ADAM23: variants seen among roughly 807,000 people sequenced by gnomAD.
ADAM23 encodes the protein ADAM metallopeptidase domain 23, also known as disintegrin and metalloproteinase domain-containing protein 23.
Under a neutral mutation model 120.1 loss-of-function variants are expected in ADAM23, and 33 were observed. That is an observed-to-expected ratio of 0.27 (90% CI 0.21 to 0.37). ADAM23 has a LOEUF of 0.37. Among genes scored for constraint, ADAM23 ranks in the 10% least tolerant of loss-of-function variants. The probability of loss-of-function intolerance (pLI) is 1.00; values close to 1 mark genes in which losing one functional copy is unlikely to be tolerated. For missense variants in ADAM23, 862 were observed against 1,058.2 expected (o/e 0.81, Z 2.57); for synonymous variants, 367 against 375.2 (o/e 0.98, Z 0.25).
intron 2 of ADAM23, among the ~76,000 whole-genome samples, chr2:206,445,923 T>G (rs929827195): frequency 6.6e-6 from 1 of 152,256 alleles, no homozygotes; most frequent in Admixed American, 6.5e-5. Context: ...ACATGCAAGA[T>G]TGCTTCAAGA....
Position 206,610,008 on chromosome 2 carries a change from A to T in ADAM23, c.2450+8A>T. 3 of 1,558,864 alleles carry T rather than the reference A, an allele frequency of 1.9e-6. No homozygotes were observed. Among genetic ancestry groups the T allele is most frequent in the Non-Finnish European group, 2.6e-6 (3 of 1,161,038 alleles). Reference sequence around the variant, plus strand: ...CACAGGCTGGGGATTTAAGTAAGCAACGCCGCATGTCTTCTTCTCAGTGGC... The same window carrying T: ...CACAGGCTGGGGATTTAAGTAAGCATCGCCGCATGTCTTCTTCTCAGTGGC... On this transcript the variant is annotated splice_region_variant and intron_variant, in intron 25 of 25. Coordinates refer to ENST00000264377, the MANE Select transcript of ADAM23 (RefSeq NM_003812.4).
intron 13 of ADAM23, among the ~76,000 whole-genome samples, chr2:206,563,267 C>T (rs1697807227): frequency 6.6e-6 from 1 of 152,126 alleles, no homozygotes; most frequent in Non-Finnish European, 1.5e-5. Flanking sequence ...ACCACCCCAA[C>T]CTCCCTAGAG....
At position 206,587,334 on chromosome 2, in the gene ADAM23, A is replaced by G. The variant is rs756677206; in HGVS notation, c.1747A>G (p.Asn583Asp). 1 of 1,607,952 alleles carries G rather than the reference A, an allele frequency of 6.2e-7. No homozygotes were observed. Among genetic ancestry groups the G allele is most frequent in the Middle Eastern group, 1.7e-4 (1 of 6,046 alleles). ...AGATAATATTTTGCAGTGCCCACCAAATCTTCATAAGCAAGACGGATATGC... is the reference window on the plus strand; with the variant it reads ...AGATAATATTTTGCAGTGCCCACCAGATCTTCATAAGCAAGACGGATATGC... ...CTGDSGQCPP[N>D]LHKQDGYACN... Residue 583 changes from asparagine (N) to aspartate (D), a missense_variant, in exon 19 of 26, where the codon AAT (asparagine) becomes GAT (aspartate). By Grantham distance (23) the Asn-to-Asp change is conservative. Transcript: ENST00000264377.
At position 206,594,857 on chromosome 2, in the gene ADAM23, G is replaced by A. The variant is rs1220994669; in HGVS notation, c.2199G>A (p.Met733Ile). The change falls in exon 23 of 26, where the codon ATG (methionine) becomes ATA (isoleucine). Residue 733 changes from methionine (M) to isoleucine (I), a missense_variant. Physicochemically the swap from Met to Ile is conservative, Grantham distance 10. Around this residue, in one of 4 missense-constraint regions of ADAM23, gnomAD observed 617 missense variants for 813.5 expected, o/e 0.76. Transcript: ENST00000264377. ...RKCLQIQALN[M>I]SSCPLDSKGK... ...GCCTACAAATTCAAGCCCTAAATAT[G>A]AGCAGCTGTCCACTCGATTCCAAGG... 6.2e-7 allele frequency: 1 copy of A among 1,614,120 alleles called. No individual in the cohort carries two copies. Among genetic ancestry groups the A allele is most frequent in the Non-Finnish European group, 8.5e-7 (1 of 1,180,000 alleles).
chr2:206,544,859 G>A (rs938099566), intron 6 of ADAM23, among the ~76,000 whole-genome samples: 2 of 151,990 alleles, frequency 1.3e-5, no homozygotes, highest in African/African-American at 2.4e-5. Context: ...ACACAGTTCC[G>A]GGAAGTCCAC....
At position 206,613,668 on chromosome 2, in the gene ADAM23, G is replaced by A. The variant is rs548769702; in HGVS notation, c.2450+3668G>A. On this transcript the variant is annotated intron_variant, in intron 25 of 25. Transcript: ENST00000264377. ...CTACCCAACATTAAATGATGATACT[G>A]CTTGATTCGACTGTTAGAGCTGTTG... Among the ~76,000 whole-genome samples the A allele has an allele frequency of 5.9e-5, 9 of 152,254 alleles. 1 individual carries two copies. In the East Asian group the frequency reaches 7.7e-4, roughly 13 times the overall value.
chr2:206,563,903 T>G (rs1697822527), intron 13 of ADAM23, among the ~76,000 whole-genome samples: 1 of 151,982 alleles, frequency 6.6e-6, no homozygotes, highest in Non-Finnish European at 1.5e-5. Flanking sequence ...CTAATTTTTT[T>G]GTATTTTTAG....
chr2:206,515,927 T>G (rs1696720145), intron 3 of ADAM23, among the ~76,000 whole-genome samples: 6 of 152,106 alleles, frequency 3.9e-5, no homozygotes, highest in Admixed American at 3.9e-4. Context: ...TACTCAAAAT[T>G]TTTAATGTCA....
chr2:206,600,677 G>A (rs766023174), intron 24 of ADAM23, among the ~76,000 whole-genome samples: 3 of 152,034 alleles, frequency 2.0e-5, no homozygotes, highest in African/African-American at 7.2e-5. Context: ...AACCTCTCCT[G>A]TGTGAGGACT....
At chr2:206,473,071 C>G (rs913254894) in intron 2 of ADAM23, among the ~76,000 whole-genome samples, 3 of 152,088 alleles carry the variant, frequency 2.0e-5, no homozygotes, top group African/African-American at 7.2e-5. Context: ...TGTATGTTTC[C>G]CCCCTACTTG....
At chr2:206,528,732 A>G (rs533223954) in intron 3 of ADAM23, among the ~76,000 whole-genome samples, 57 of 152,344 alleles carry the variant, frequency 3.7e-4, no homozygotes, top group Middle Eastern at 3.4e-3. Flanking sequence ...CTATGAGGCA[A>G]AATTATAGAA....
chr2:206,590,939 A>G (rs1296728907), intron 21 of ADAM23, among the ~76,000 whole-genome samples: 1 of 152,186 alleles, frequency 6.6e-6, no homozygotes, highest in Non-Finnish European at 1.5e-5. Flanking sequence ...GAGGCATTGG[A>G]TTAGATTATT....
At chr2:206,469,490 G>T (rs1471884427) in intron 2 of ADAM23, among the ~76,000 whole-genome samples, 2 of 151,994 alleles carry the variant, frequency 1.3e-5, no homozygotes, top group Non-Finnish European at 2.9e-5. Flanking sequence ...CTCCTACCTG[G>T]ATTATTTTGC....
At chr2:206,574,153 C>T (rs1037319462) in intron 18 of ADAM23, among the ~76,000 whole-genome samples, 1 of 152,172 alleles carries the variant, frequency 6.6e-6, no homozygotes, top group African/African-American at 2.4e-5. Context: ...GGCACTTCTG[C>T]AGTGTTAACA....
At chr2:206,445,614 T>A in intron 2 of ADAM23, 90 bp downstream of exon 2, 1 of 1,108,810 alleles carries the variant, frequency 9.0e-7, no homozygotes, top group Non-Finnish European at 1.3e-6. Flanking sequence ...TCACAAATTT[T>A]ACTGCAGCAT....
At chr2:206,473,572 A>AAATAATAATAATAATAATAAT (rs137861771) in intron 2 of ADAM23, among the ~76,000 whole-genome samples, 331 of 147,192 alleles carry the variant, frequency 2.2e-3, no homozygotes, top group Admixed American at 3.4e-3. Context: ...CCCATCTCTA[A>AAATAATAATAATAATAATAAT]AATAATAATA....
At chr2:206,511,647 C>A (rs1403060797) in intron 3 of ADAM23, among the ~76,000 whole-genome samples, 1 of 152,198 alleles carries the variant, frequency 6.6e-6, no homozygotes, top group Non-Finnish European at 1.5e-5. Context: ...TTTCACATTT[C>A]TTCACTTCAC....
At chr2:206,454,324 C>T (rs1695252694) in intron 2 of ADAM23, among the ~76,000 whole-genome samples, 1 of 152,106 alleles carries the variant, frequency 6.6e-6, no homozygotes, top group African/African-American at 2.4e-5. Context: ...TTTAAACCAT[C>T]AGCCCTCGTG....
intron 2 of ADAM23, among the ~76,000 whole-genome samples, chr2:206,470,376 G>A (rs757048053): frequency 3.5e-4 from 53 of 152,210 alleles, no homozygotes; most frequent in Middle Eastern, 3.4e-3. Flanking sequence ...TATCATTTGC[G>A]TATGAAAATA....
Sources: gnomAD v4.1 joint callset for allele counts (sites outside exome capture counted in the v4.1 genomes callset) on GRCh38, gnomAD v4.1.1 for gene constraint, gnomAD v4.1.1 regional missense constraint, MANE v1.5 for transcripts, NCBI Gene and HGNC (gene_info 2026-07-23, HGNC 2026-07-21) for gene names.